GSDMA: variants seen among roughly 807,000 people sequenced by gnomAD.
GSDMA encodes gasdermin A, also known as gasdermin-A.
GSDMA carries 55 observed loss-of-function variants against 54.3 expected under a neutral mutation model. The observed-to-expected ratio is 1.01, with a 90% CI of 0.82 to 1.27. The LOEUF (loss-of-function observed/expected upper bound fraction) is 1.27. Ranked by LOEUF, GSDMA falls within the 50% of genes most tolerant of loss-of-function variation. The probability of loss-of-function intolerance (pLI) is 0.00; values close to 1 mark genes in which losing one functional copy is unlikely to be tolerated. For missense variants in GSDMA, 542 were observed against 542.6 expected, an observed-to-expected ratio of 1.00 and a Z score of 0.01; for synonymous variants, 211 against 224.7, an observed-to-expected ratio of 0.94 and a Z score of 0.54.
chr17:39,968,229 G>A (rs1467745225), intron 3 of GSDMA, among the ~76,000 whole-genome samples: 2 of 151,632 alleles, frequency 1.3e-5, no homozygotes, highest in African/African-American at 4.9e-5. Context: ...TAGTAGAGAT[G>A]GGGTTTCACC....
At chr17:39,972,060 G>T in intron 5 of GSDMA, 69 bp from the exon 6 acceptor site, 1 of 1,092,404 alleles carries the variant, frequency 9.2e-7, no homozygotes. Context: ...CCTTTGGCTT[G>T]AGACTGAAGA....
intron 3 of GSDMA, among the ~76,000 whole-genome samples, chr17:39,969,849 C>G (rs1210377763): frequency 6.6e-6 from 1 of 150,486 alleles, no homozygotes; most frequent in East Asian, 1.9e-4. Context: ...GTGAGTGAGA[C>G]TCCGTCTCAA....
chr17:39,966,968 G>A (rs757608363), intron 3 of GSDMA, among the ~76,000 whole-genome samples: 1 of 146,966 alleles, frequency 6.8e-6, no homozygotes, highest in Non-Finnish European at 1.5e-5. Flanking sequence ...GGTGTGGCAG[G>A]TGCCACATTG....
chr17:39,967,842 TTTTATTTATTTATTTTA>T (rs573455693), intron 3 of GSDMA, among the ~76,000 whole-genome samples: 78 of 151,690 alleles, frequency 5.1e-4, no homozygotes, highest in African/African-American at 1.8e-3. Context: ...CCGGATAATT[TTTTATTTATTTATTTTA>T]TTTATTTATT....
At position 39,974,825 on chromosome 17, in the gene GSDMA, G is replaced by C; in HGVS notation, c.907-75G>C. On this transcript the variant is annotated intron_variant, in intron 9 of 11. Coordinates refer to ENST00000301659, the MANE Select transcript of GSDMA (RefSeq NM_178171.5). ...ATGGAGAGAGTTTCCGCATGTCAAGGGGTTATTATGTGCTGGGCCCTGGGT... is the reference window on the plus strand; with the variant it reads ...ATGGAGAGAGTTTCCGCATGTCAAGCGGTTATTATGTGCTGGGCCCTGGGT... 1.0e-5 allele frequency: 8 copies of C among 777,816 alleles called. No individual in the cohort carries two copies. The Middle Eastern group carries it at 1.6e-3, about 154-fold the overall frequency. The allele number at this position is 777,816 out of a possible 1,614,324, so 48.2% of individuals were successfully genotyped here. A position where few individuals can be genotyped will look rare whatever the true frequency, so the allele number is the denominator to read the frequency against.
At position 39,974,881 on chromosome 17, in the gene GSDMA, C is replaced by T. The variant is rs772198954; in HGVS notation, c.907-19C>T. The T allele has an allele frequency of 4.9e-6, 7 of 1,442,542 alleles. No homozygotes were observed. Among genetic ancestry groups the T allele is most frequent in the Middle Eastern group, 1.8e-4 (1 of 5,500 alleles). The allele number at this position is 1,442,542 out of a possible 1,614,324, so 89.4% of individuals were successfully genotyped here. A position where few individuals can be genotyped will look rare whatever the true frequency, so the allele number is the denominator to read the frequency against. On this transcript the variant is annotated intron_variant, in intron 9 of 11. Coordinates refer to ENST00000301659, the MANE Select transcript of GSDMA (RefSeq NM_178171.5). The stretch of plus-strand genomic sequence containing the variant: ...CCTTTCCTATGTTATCTTCAATAGT[C>T]GCCCACCTTCCCCCACAGCTTGAAG...
chr17:39,968,886 A>G (rs1979801353), intron 3 of GSDMA, among the ~76,000 whole-genome samples: 1 of 152,174 alleles, frequency 6.6e-6, no homozygotes, highest in African/African-American at 2.4e-5. Context: ...GACAAACAGG[A>G]AGACACAGGT....
intron 6 of GSDMA, 104 bp downstream of exon 6, chr17:39,972,280 G>A (rs918716279): frequency 3.6e-6 from 3 of 824,204 alleles, no homozygotes; most frequent in Admixed American, 4.7e-5. Flanking sequence ...ATCCCCCAAG[G>A]AGCCTCTGCT....
At chr17:39,970,765 A>T in intron 4 of GSDMA, 118 bp downstream of exon 4, 9 of 940,612 alleles carry the variant, frequency 9.6e-6, no homozygotes, top group Non-Finnish European at 1.2e-5. Context: ...ATCAGCGCCC[A>T]CCGAGGATGC....
At chr17:39,967,481 G>A (rs910838319) in intron 3 of GSDMA, among the ~76,000 whole-genome samples, 3 of 152,180 alleles carry the variant, frequency 2.0e-5, no homozygotes, top group East Asian at 1.9e-4. Context: ...CGAGTAGAAC[G>A]AGCAGGAAAT....
At chr17:39,967,685 T>C (rs1199517057) in intron 3 of GSDMA, among the ~76,000 whole-genome samples, 1 of 152,220 alleles carries the variant, frequency 6.6e-6, no homozygotes, top group Non-Finnish European at 1.5e-5. Context: ...CTTCTTTTTT[T>C]GTTTGAAACA....
chr17:39,967,607 G>T (rs1010499651), intron 3 of GSDMA, among the ~76,000 whole-genome samples: 1 of 152,234 alleles, frequency 6.6e-6, no homozygotes, highest in African/African-American at 2.4e-5. Flanking sequence ...CAGCCAGATG[G>T]AGGAAGTGTG....
intron 2 of GSDMA, 96 bp from the exon 3 acceptor site, chr17:39,966,164 C>A: frequency 7.6e-7 from 1 of 1,315,170 alleles, no homozygotes; most frequent in Non-Finnish European, 1.1e-6. Context: ...TGGGCTCAAG[C>A]AATCCTTCCA....
Position 39,965,787 on chromosome 17 carries a change from C to T in GSDMA, c.100C>T (p.His34Tyr). 6.2e-7 allele frequency: 1 copy of T among 1,608,260 alleles called. No individual in the cohort carries two copies. Among genetic ancestry groups the T allele is most frequent in the Non-Finnish European group, 8.5e-7 (1 of 1,177,444 alleles). Residue 34 changes from histidine to tyrosine, a missense_variant, in exon 2 of 12, where the codon CAT becomes TAT. His to Tyr is a moderately conservative substitution (Grantham distance 83, BLOSUM62 2). Coordinates refer to ENST00000301659, the MANE Select transcript of GSDMA (RefSeq NM_178171.5). ...CAGCCTCATCGACTTCAAGCGCTTC[C>T]ATCCCTTCTGCCTGGTGCTGAGGAA... ...LDSLIDFKRF[H>Y]PFCLVLRKRK...
chr17:39,972,106 C>T, intron 5 of GSDMA, 23 bp from the exon 6 acceptor site: 2 of 1,079,448 alleles, frequency 1.9e-6, no homozygotes, highest in Admixed American at 1.8e-5. Flanking sequence ...GTCCTCCCAC[C>T]CTCCCTCCCT....
chr17:39,971,986 T>C (rs982745562), intron 5 of GSDMA, 143 bp from the exon 6 acceptor site: 6 of 609,562 alleles, frequency 9.8e-6, no homozygotes, highest in Non-Finnish European at 1.8e-5. Context: ...CTTCCAGCAA[T>C]GGAGGTTGAA....
rs1979656652 is a variant in GSDMA, at chr17:39,966,272, C to T, written c.227C>T (p.Thr76Ile). ...TTCCCTCCTGCAGACCCAACAGACA[C>T]TGGGAATTTTGGCTTTAAGAATATG... is the stretch of plus-strand genomic sequence containing the variant. ...PGSSPSDPTDTGNFGFKNMLD... is the reference protein window; with the variant it reads ...PGSSPSDPTDIGNFGFKNMLD... The change falls in exon 3 of 12, where the codon ACT becomes ATT. Residue 76 changes from threonine to isoleucine, a missense_variant. Coordinates refer to ENST00000301659, the MANE Select transcript of GSDMA (RefSeq NM_178171.5). 3 of 1,613,796 alleles carry T rather than the reference C, an allele frequency of 1.9e-6. No homozygotes were observed. The highest frequency in any genetic ancestry group is 2.2e-5 in the South Asian group (2 of 91,084).
Position 39,970,577 on chromosome 17 carries a change from T to A in GSDMA, c.488T>A (p.Val163Asp). The A allele has an allele frequency of 6.2e-7, 1 of 1,606,890 alleles. No homozygotes were observed. The highest frequency in any genetic ancestry group is 1.1e-5 in the South Asian group (1 of 90,192). Reference protein sequence around the residue: ...VMEVVETVQEVTLERAGKAEA... With the variant: ...VMEVVETVQEDTLERAGKAEA... ...GAGGTGGTGGAGACGGTGCAGGAGG[T>A]CACACTGGAGCGAGCCGGCAAGGCA... Residue 163 changes from valine to aspartate, a missense_variant, in exon 4 of 12, where the codon GTC (valine) becomes GAC (aspartate). Transcript: ENST00000301659.
At chr17:39,966,132 G>A in intron 2 of GSDMA, 128 bp from the exon 3 acceptor site, 1 of 986,980 alleles carries the variant, frequency 1.0e-6, no homozygotes, top group Non-Finnish European at 1.6e-6. Context: ...TTGCTTTGTT[G>A]CCCAGGCTGG....
Sources: gnomAD v4.1 joint callset for allele counts (sites outside exome capture counted in the v4.1 genomes callset) on GRCh38, gnomAD v4.1.1 for gene constraint, MANE v1.5 for transcripts, NCBI Gene and HGNC (gene_info 2026-07-23, HGNC 2026-07-21) for gene names.